NOS1AP: variants seen among roughly 807,000 people sequenced by gnomAD.
The protein encoded by NOS1AP is nitric oxide synthase 1 adaptor protein, also known as carboxyl-terminal PDZ ligand of neuronal nitric oxide synthase protein.
In NOS1AP, 21 loss-of-function variants were observed where a neutral mutation model predicts 56.2. The ratio of observed to expected loss-of-function variants is 0.37; its 90% CI spans 0.26 to 0.54. The LOEUF is 0.54. Among genes scored for constraint, NOS1AP ranks in the 20% least tolerant of loss-of-function variants. The pLI is 0.84. For synonymous variants in NOS1AP, 270 were observed against 274.6 expected (o/e 0.98, Z 0.17); for missense variants, 522 against 657.8 (o/e 0.79, Z 2.26).
chr1:162,265,803 A>G (rs1654405377), intron 2 of NOS1AP, among the ~76,000 whole-genome samples: 1 of 152,224 alleles, frequency 6.6e-6, no homozygotes, highest in Non-Finnish European at 1.5e-5. Context: ...GCTGTGAGGA[A>G]CAATAAAACC....
intron 1 of NOS1AP, among the ~76,000 whole-genome samples, chr1:162,084,391 G>C (rs1310333294): frequency 1.3e-5 from 2 of 152,132 alleles, no homozygotes; most frequent in Non-Finnish European, 2.9e-5. Flanking sequence ...TGGTTGGAAA[G>C]GGCAGGGGCA....
intron 1 of NOS1AP, among the ~76,000 whole-genome samples, chr1:162,107,946 GACATTTGAACAATAAAATT>G (rs535473134): frequency 0.038 from 5,783 of 152,254 alleles, 140 homozygotes; most frequent in Middle Eastern, 0.082. Context: ...AGGAAACATT[GACATTTGAACAATAAAATT>G]AGGAAAAATT....
chr1:162,154,657 A>G (rs896526177), intron 2 of NOS1AP, among the ~76,000 whole-genome samples, 181 bp downstream of exon 2: 2 of 152,186 alleles, frequency 1.3e-5, no homozygotes, highest in Non-Finnish European at 2.9e-5. Context: ...TGAAAGGCCA[A>G]TGTTAAAATG....
chr1:162,105,989 C>T (rs1488496714), intron 1 of NOS1AP, among the ~76,000 whole-genome samples: 1 of 152,208 alleles, frequency 6.6e-6, no homozygotes, highest in Non-Finnish European at 1.5e-5. Flanking sequence ...TCCCACCTTG[C>T]CATGGATGCC....
At chr1:162,102,259 G>A (rs1647312881) in intron 1 of NOS1AP, among the ~76,000 whole-genome samples, 2 of 152,216 alleles carry the variant, frequency 1.3e-5, no homozygotes, top group East Asian at 3.8e-4. Context: ...TTATTGATTT[G>A]TGTATGTTGA....
Position 162,127,095 on chromosome 1 carries a change from A to G in NOS1AP, c.106-27310A>G, listed in dbSNP as rs571938306. Among the ~76,000 whole-genome samples, 8 of 152,084 alleles carry G rather than the reference A, an allele frequency of 5.3e-5. No homozygotes were observed. The South Asian group carries it at 1.7e-3, about 32-fold the overall frequency. On this transcript the variant is annotated intron_variant, in intron 1 of 9. Transcript: ENST00000361897. Reference sequence around the variant, plus strand: ...TTGTTTTTCAGTAAATCATCTGCTTATATCTTTTGCCATATTTTTTTTTAA... The same window carrying G: ...TTGTTTTTCAGTAAATCATCTGCTTGTATCTTTTGCCATATTTTTTTTTAA...
chr1:162,150,785 C>T, intron 1 of NOS1AP, among the ~76,000 whole-genome samples: 1 of 152,172 alleles, frequency 6.6e-6, no homozygotes, highest in South Asian at 2.1e-4. Flanking sequence ...TCAGATCTTT[C>T]ACCCATATTT....
chr1:162,335,128 A>C (rs1201829351), intron 5 of NOS1AP, among the ~76,000 whole-genome samples: 1 of 152,222 alleles, frequency 6.6e-6, no homozygotes, highest in Non-Finnish European at 1.5e-5. Context: ...CTGGTTCCCT[A>C]TCATGTCAAT....
At chr1:162,362,164 C>T (rs1405023859) in intron 8 of NOS1AP, among the ~76,000 whole-genome samples, 1 of 152,160 alleles carries the variant, frequency 6.6e-6, no homozygotes, top group Admixed American at 6.5e-5. Flanking sequence ...AGGAAACTGA[C>T]TCTGGGCTGG....
intron 8 of NOS1AP, among the ~76,000 whole-genome samples, chr1:162,362,444 C>CA (rs11314295): frequency 9.7e-5 from 13 of 134,348 alleles, no homozygotes; most frequent in South Asian, 4.8e-4. Flanking sequence ...GAGTGAGTCT[C>CA]AAAAAAAAAA....
At chr1:162,202,947 C>G (rs1652043150) in intron 2 of NOS1AP, among the ~76,000 whole-genome samples, 2 of 152,244 alleles carry the variant, frequency 1.3e-5, no homozygotes, top group African/African-American at 4.8e-5. Flanking sequence ...TTCTCCCCAT[C>G]AGTAAGAGTG....
chr1:162,165,754 T>G, intron 2 of NOS1AP, among the ~76,000 whole-genome samples: 1 of 152,166 alleles, frequency 6.6e-6, no homozygotes, highest in Non-Finnish European at 1.5e-5. Flanking sequence ...TTCTCTAGTC[T>G]GGGAACACTG....
At chr1:162,356,937 C>G (rs1392840908) in intron 7 of NOS1AP, 23 bp from the exon 8 acceptor site, 1 of 1,613,802 alleles carries the variant, frequency 6.2e-7, no homozygotes, top group Non-Finnish European at 8.5e-7. Flanking sequence ...CATGTCATGT[C>G]CTGTCTTCTC....
intron 2 of NOS1AP, among the ~76,000 whole-genome samples, chr1:162,155,383 T>TTA (rs201400827): frequency 2.5e-4 from 1 of 4,054 alleles, no homozygotes; most frequent in African/African-American, 3.3e-4. Context: ...GAGAGAGAGC[T>TTA]TATATATATA....
At chr1:162,170,379 T>C (rs1337067) in intron 2 of NOS1AP, among the ~76,000 whole-genome samples, 149,338 of 152,278 alleles carry the variant, frequency 0.98, 73,291 homozygotes, top group East Asian at 1. Flanking sequence ...GAGTAACTTG[T>C]CTAAGGCTAC....
At position 162,264,461 on chromosome 1, in the gene NOS1AP, T is replaced by TTCTCCTCTCCTCTCCTCTCCTCTCC; in HGVS notation, c.178-22876_178-22875insTCCTCTCCTCTCCTCTCCTCTCCTC. Among the ~76,000 whole-genome samples, 2 of 37,276 alleles carry TTCTCCTCTCCTCTCCTCTCCTCTCC rather than the reference T, an allele frequency of 5.4e-5. 1 individual carries two copies. Among genetic ancestry groups the TTCTCCTCTCCTCTCCTCTCCTCTCC allele is most frequent in the African/African-American group, 5.6e-4 (2 of 3,554 alleles). The allele number at this position is 37,276 out of a possible 152,430, so 24.5% of individuals were successfully genotyped here. A position where few individuals can be genotyped will look rare whatever the true frequency, so the allele number is the denominator to read the frequency against. ...TTCTCTTCTCTTCTCTTCTCTTCTCTTCTCCTCCCCTCCCCTCCCCTCCCC... is the reference window on the plus strand; with the variant it reads ...TTCTCTTCTCTTCTCTTCTCTTCTCTTCTCCTCTCCTCTCCTCTCCTCTCCTCTCCTCCCCTCCCCTCCCCTCCCC... On this transcript the variant is annotated intron_variant, in intron 2 of 9. Transcript: ENST00000361897.
intron 9 of NOS1AP, 111 bp downstream of exon 9, chr1:162,365,680 T>G: frequency 7.5e-7 from 1 of 1,328,824 alleles, no homozygotes; most frequent in Non-Finnish European, 1.0e-6. Flanking sequence ...TACCCCTATA[T>G]TCCAGCAGAA....
At chr1:162,184,494 C>T (rs895774600) in intron 2 of NOS1AP, among the ~76,000 whole-genome samples, 1 of 152,176 alleles carries the variant, frequency 6.6e-6, no homozygotes, top group African/African-American at 2.4e-5. Context: ...ATCTGTAAAG[C>T]ACAACAGAGT....
chr1:162,310,863 A>C (rs1041034868), intron 4 of NOS1AP, among the ~76,000 whole-genome samples: 2 of 146,002 alleles, frequency 1.4e-5, no homozygotes, highest in Non-Finnish European at 3.0e-5. Context: ...TCTTAGTGTC[A>C]CTGCCAACTG....
Sources: allele counts gnomAD v4.1 joint callset (sites outside exome capture counted in the v4.1 genomes callset), GRCh38; gene constraint gnomAD v4.1.1; transcripts MANE v1.5; gene names NCBI Gene and HGNC (gene_info 2026-07-23, HGNC 2026-07-21).